SBK1: variants seen among roughly 807,000 people sequenced by gnomAD.
SBK1 encodes the protein SH3 domain binding kinase 1.
In SBK1, 11 loss-of-function variants were observed where a neutral mutation model predicts 24.4. The observed-to-expected ratio is 0.45, with a 90% CI of 0.28 to 0.75. The LOEUF (loss-of-function observed/expected upper bound fraction) is 0.75. Among genes scored for constraint, SBK1 ranks in the 30% least tolerant of loss-of-function variants. The pLI is 0.12. For synonymous variants in SBK1, 308 were observed against 284.4 expected (o/e 1.08, Z -0.83); for missense variants, 467 against 620.5 (o/e 0.75, Z 2.63).
chr16:28,279,413 C>CAAAAAAAAAAAAAA (rs34582546), intron 1 of SBK1, among the ~76,000 whole-genome samples: 4 of 84,762 alleles, frequency 4.7e-5, no homozygotes, highest in Non-Finnish European at 8.7e-5. Context: ...AAAACAAAAC[C>CAAAAAAAAAAAAAA]AAAAAAAAAA....
At chr16:28,273,072 A>G (rs1275068390) in intron 1 of SBK1, among the ~76,000 whole-genome samples, 1 of 151,392 alleles carries the variant, frequency 6.6e-6, no homozygotes, top group Non-Finnish European at 1.5e-5. Context: ...TACCATTTTG[A>G]GAATTATTTT....
At chr16:28,315,236 G>A (rs2044786347) in intron 1 of SBK1, among the ~76,000 whole-genome samples, 1 of 151,890 alleles carries the variant, frequency 6.6e-6, no homozygotes, top group Non-Finnish European at 1.5e-5. Context: ...GGGGTTGGGG[G>A]GATGGGGTTT....
chr16:28,293,683 G>A (rs956532906), intron 1 of SBK1, among the ~76,000 whole-genome samples: 4 of 152,068 alleles, frequency 2.6e-5, no homozygotes, highest in African/African-American at 9.7e-5. Context: ...TTCTAGTGAA[G>A]TCCCCCCGAG....
intron 1 of SBK1, among the ~76,000 whole-genome samples, chr16:28,263,172 C>CAT (rs2044407706): frequency 2.6e-5 from 4 of 152,192 alleles, no homozygotes; most frequent in Admixed American, 2.6e-4. Flanking sequence ...GCCCAATGTT[C>CAT]TCATTCATTC....
chr16:28,275,501 C>T (rs753768746), intron 1 of SBK1, among the ~76,000 whole-genome samples: 12 of 152,078 alleles, frequency 7.9e-5, no homozygotes, highest in Non-Finnish European at 1.8e-4. Flanking sequence ...CATCAAGAAG[C>T]TTTGTTCGGG....
At position 28,322,966 on chromosome 16, in the gene SBK1, CTCTCTCTCTCTCTCCT is replaced by C; in HGVS notation, c.*2046_*2061del. On this transcript the variant is annotated 3_prime_UTR_variant, in exon 4 of 4. Coordinates refer to ENST00000341901, the MANE Select transcript of SBK1 (RefSeq NM_001024401.3). ...TCTCTCTCTCTCTCTCTCTCTCTCTCTCTCTCTCTCTCTCCTCTCTTTCTCTCTCTCCCTCTCTCTG... is the reference window on the plus strand; with the variant it reads ...TCTCTCTCTCTCTCTCTCTCTCTCTCCTCTTTCTCTCTCTCCCTCTCTCTG... 7.8e-6 allele frequency: 1 copy of C among 128,942 alleles called. No individual in the cohort carries two copies. The highest frequency in any genetic ancestry group is 2.8e-4 in the South Asian group (1 of 3,604). The allele number at this position is 128,942 out of a possible 1,614,324, so 8.0% of individuals were successfully genotyped here.
intron 1 of SBK1, among the ~76,000 whole-genome samples, chr16:28,314,341 T>C (rs1243668579): frequency 1.3e-5 from 2 of 148,888 alleles, no homozygotes; most frequent in African/African-American, 5.0e-5. Context: ...TTTTTTTTTT[T>C]TTTTGTGGAG....
At chr16:28,274,261 G>A (rs2044483618) in intron 1 of SBK1, among the ~76,000 whole-genome samples, 1 of 152,210 alleles carries the variant, frequency 6.6e-6, no homozygotes, top group Non-Finnish European at 1.5e-5. Context: ...TTTAACAAGT[G>A]CACCACGCTG....
At chr16:28,316,014 C>T (rs770350816) in intron 1 of SBK1, among the ~76,000 whole-genome samples, 5 of 152,114 alleles carry the variant, frequency 3.3e-5, no homozygotes, top group Admixed American at 1.3e-4. Flanking sequence ...GATCCGCCCA[C>T]TCAGCCTCCC....
Position 28,319,032 on chromosome 16 carries a change from A to C in SBK1, c.264A>C (p.Lys88Asn). 1 of 1,614,134 alleles carries C rather than the reference A, an allele frequency of 6.2e-7. No individual in the cohort carries two copies. The highest frequency in any genetic ancestry group is 8.5e-7 in the Non-Finnish European group (1 of 1,180,026). Residue 88 changes from lysine (K) to asparagine (N), a missense_variant, in exon 3 of 4, where the codon AAA becomes AAC. By Grantham distance (94) the Lys-to-Asn change is moderately conservative (BLOSUM62 0). This residue lies in a region of SBK1 where 123 missense variants were observed against 158.2 expected (regional missense o/e 0.78). Coordinates refer to ENST00000341901, the MANE Select transcript of SBK1 (RefSeq NM_001024401.3). This position sits in a 1 kb window ranked among gnomAD's most constrained non-coding sequence, Gnocchi z 4.0. Reference sequence around the variant, plus strand: ...CACTGAAGTTTGTGAACAAGAGCAAAACCAAGCTGAAGAACTTCCTACGGG... The same window carrying C: ...CACTGAAGTTTGTGAACAAGAGCAACACCAAGCTGAAGAACTTCCTACGGG... ...KMALKFVNKS[K>N]TKLKNFLREV...
intron 1 of SBK1, among the ~76,000 whole-genome samples, chr16:28,282,626 G>GTGAGTGAATGAATGAA (rs1555536639): frequency 6.7e-6 from 1 of 150,020 alleles, no homozygotes; most frequent in African/African-American, 2.5e-5. Context: ...GGGAACAAGT[G>GTGAGTGAATGAATGAA]TGAATGAATG....
intron 1 of SBK1, among the ~76,000 whole-genome samples, chr16:28,302,464 T>A (rs1434546301): frequency 6.6e-6 from 1 of 152,084 alleles, no homozygotes; most frequent in African/African-American, 2.4e-5. Flanking sequence ...CTGGGCAGGG[T>A]GTGAAGGGGG....
At chr16:28,316,362 T>A (rs1209663379) in intron 1 of SBK1, among the ~76,000 whole-genome samples, 2 of 152,172 alleles carry the variant, frequency 1.3e-5, no homozygotes, top group Non-Finnish European at 2.9e-5. Flanking sequence ...CTACTGCCCT[T>A]CTCCCCCTGG....
At chr16:28,271,297 C>T (rs986896839) in intron 1 of SBK1, among the ~76,000 whole-genome samples, 2 of 152,150 alleles carry the variant, frequency 1.3e-5, no homozygotes, top group African/African-American at 4.8e-5. Flanking sequence ...TGGCTCACAC[C>T]TGTAATCTTA....
At chr16:28,297,824 G>A (rs973584150) in intron 1 of SBK1, among the ~76,000 whole-genome samples, 6 of 152,182 alleles carry the variant, frequency 3.9e-5, no homozygotes, top group African/African-American at 1.4e-4. Context: ...AGAGGCTTCT[G>A]GTTCTGTCCT....
upstream of SBK1, chr16:28,291,407 A>T (rs1042448831): frequency 3.9e-5 from 6 of 152,114 alleles, no homozygotes; most frequent in African/African-American, 1.4e-4. Context: ...ACCTAATGCT[A>T]AATGACGAGT....
At chr16:28,318,888 C>A in intron 2 of SBK1, 107 bp from the exon 3 acceptor site, 3 of 820,366 alleles carry the variant, frequency 3.7e-6, no homozygotes, top group Non-Finnish European at 6.4e-6. Flanking sequence ...GACAGTCATG[C>A]CTGCTGGGGA....
intron 1 of SBK1, among the ~76,000 whole-genome samples, chr16:28,309,265 A>T (rs945344860): frequency 1.3e-5 from 2 of 152,140 alleles, no homozygotes; most frequent in African/African-American, 4.8e-5. Context: ...AGCGACACAC[A>T]TACCACTTCT....
intron 1 of SBK1, among the ~76,000 whole-genome samples, chr16:28,300,671 AG>A (rs35824466): frequency 6.6e-6 from 1 of 152,200 alleles, no homozygotes; most frequent in Non-Finnish European, 1.5e-5. Flanking sequence ...AAAGGATGTA[AG>A]GGGATTAATA....
Sources: gnomAD v4.1 joint callset for allele counts (sites outside exome capture counted in the v4.1 genomes callset) on GRCh38, gnomAD v4.1.1 for gene constraint, gnomAD v4.1.1 regional missense constraint, Gnocchi (gnomAD v3.1) non-coding constraint, MANE v1.5 for transcripts, NCBI Gene and HGNC (gene_info 2026-07-23, HGNC 2026-07-21) for gene names.